CDC42BPB: variants seen among roughly 807,000 people sequenced by gnomAD.
The protein encoded by CDC42BPB is CDC42 binding protein kinase beta.
Under a neutral mutation model 214.9 loss-of-function variants are expected in CDC42BPB, and 37 were observed. The observed-to-expected ratio is 0.17, with a 90% CI of 0.13 to 0.23. The LOEUF (loss-of-function observed/expected upper bound fraction) is 0.23. Among genes scored for constraint, CDC42BPB ranks in the 10% least tolerant of loss-of-function variants. CDC42BPB has a pLI of 1.00. For synonymous variants in CDC42BPB, 931 were observed against 884.0 expected, an observed-to-expected ratio of 1.05 and a Z score of -0.94; for missense variants, 1,694 against 2,227.0, an observed-to-expected ratio of 0.76 and a Z score of 4.82.
At chr14:102,951,562 G>A (rs1301405867) in intron 24 of CDC42BPB, among the ~76,000 whole-genome samples, 4 of 152,208 alleles carry the variant, frequency 2.6e-5, no homozygotes, top group Non-Finnish European at 4.4e-5. Context: ...GCCGAGGCAG[G>A]TGGATCACTT....
intron 13 of CDC42BPB, among the ~76,000 whole-genome samples, chr14:102,971,580 C>T (rs1048500494): frequency 3.3e-5 from 5 of 152,246 alleles, no homozygotes; most frequent in African/African-American, 4.8e-5. Context: ...GCGTGAGCCC[C>T]GTGCCCGGCC....
Position 102,938,103 on chromosome 14 carries a change from CCT to C in CDC42BPB, c.5003_5004del (p.Glu1668AlafsTer2). The C allele has an allele frequency of 6.2e-7, 1 of 1,613,968 alleles. No homozygotes were observed. Among genetic ancestry groups the C allele is most frequent in the Non-Finnish European group, 8.5e-7 (1 of 1,180,004 alleles). The stretch of plus-strand genomic sequence containing the variant: ...CAGCACTGGACCTGGGCAAGTCTCA[CCT>C]CTTTGTCAAAGTCCTGGTCTGGATC... ...MSDPDQDFDK[E>X]PDSDSTKHST... On this transcript the variant is annotated frameshift_variant and splice_region_variant, in exon 36 of 37. Coordinates refer to ENST00000361246, the MANE Select transcript of CDC42BPB (RefSeq NM_006035.4). LOFTEE classifies it high-confidence loss of function.
At chr14:103,052,953 C>G (rs1888691881) in intron 1 of CDC42BPB, among the ~76,000 whole-genome samples, 1 of 152,252 alleles carries the variant, frequency 6.6e-6, no homozygotes, top group Admixed American at 6.5e-5. Flanking sequence ...ATTCATCTCA[C>G]TGGGTTGTCC....
intron 11 of CDC42BPB, 134 bp from the exon 12 acceptor site, chr14:102,974,283 C>CACAT (rs754504473): frequency 3.0e-6 from 1 of 338,584 alleles, no homozygotes; most frequent in African/African-American, 2.1e-5. Context: ...TTTTTACTTA[C>CACAT]ACACACACAC....
At chr14:103,053,375 T>A (rs570662400) in intron 1 of CDC42BPB, among the ~76,000 whole-genome samples, 25 of 149,664 alleles carry the variant, frequency 1.7e-4, no homozygotes, top group South Asian at 4.2e-4. Context: ...AAGAAAAGAA[T>A]ACACACGCAA....
intron 3 of CDC42BPB, among the ~76,000 whole-genome samples, chr14:103,005,212 T>C (rs1392935769): frequency 2.0e-5 from 3 of 150,182 alleles, no homozygotes; most frequent in Non-Finnish European, 4.4e-5. Context: ...AATTTTAACA[T>C]GATTTCCTCT....
chr14:102,990,469 TCA>T (rs1440363302), intron 5 of CDC42BPB, among the ~76,000 whole-genome samples: 1 of 151,844 alleles, frequency 6.6e-6, no homozygotes, highest in Non-Finnish European at 1.5e-5. Flanking sequence ...GTGCTGGGAG[TCA>T]CAGTTTCAGT....
intron 1 of CDC42BPB, among the ~76,000 whole-genome samples, chr14:103,027,300 G>A (rs957731622): frequency 7.2e-5 from 11 of 152,120 alleles, no homozygotes; most frequent in African/African-American, 1.7e-4. Context: ...TACATGACCC[G>A]TCATTCCACC....
rs773947478 is a variant in CDC42BPB at position 102,946,554 on chromosome 14, A to C, written c.3662T>G (p.Leu1221Arg). The C allele has an allele frequency of 6.2e-7, 1 of 1,612,814 alleles. No individual in the cohort carries two copies. ...GGGAACATGCACGACCTGATTCCTC[A>C]GCCGGTTTTTATGAAGGATGGACTG... ...GLQSILHKNR[L>R]RNQVVHVPLE... is the part of the protein sequence containing the mutation. The change falls in exon 28 of 37, where the codon CTG becomes CGG. Residue 1221 changes from leucine (L) to arginine (R), a missense_variant. By Grantham distance (102) the Leu-to-Arg change is moderately radical (BLOSUM62 -2). Transcript: ENST00000361246.
At chr14:102,974,967 A>C (rs1032649714) in intron 11 of CDC42BPB, among the ~76,000 whole-genome samples, 1 of 152,254 alleles carries the variant, frequency 6.6e-6, no homozygotes, top group African/African-American at 2.4e-5. Context: ...AAACAAAAAA[A>C]CAAAAACTGA....
At chr14:103,014,435 C>T (rs1477684255) in intron 1 of CDC42BPB, among the ~76,000 whole-genome samples, 1 of 152,144 alleles carries the variant, frequency 6.6e-6, no homozygotes, top group Non-Finnish European at 1.5e-5. Flanking sequence ...TCTATCACTA[C>T]AGTTTTATGA....
At chr14:102,984,777 G>A (rs561808491) in intron 6 of CDC42BPB, among the ~76,000 whole-genome samples, 1 of 152,216 alleles carries the variant, frequency 6.6e-6, no homozygotes, top group East Asian at 1.9e-4. Flanking sequence ...CTCTCCCGAG[G>A]GTCCCCTCTG....
chr14:102,974,367 T>G (rs1893640034), intron 11 of CDC42BPB: 2 of 984,712 alleles, frequency 2.0e-6, no homozygotes, highest in South Asian at 9.4e-5. Context: ...ACAGGCTCCC[T>G]AGACTTTACT....
intron 1 of CDC42BPB, among the ~76,000 whole-genome samples, chr14:103,038,575 G>A (rs764346552): frequency 6.6e-6 from 1 of 152,046 alleles, no homozygotes; most frequent in Non-Finnish European, 1.5e-5. Context: ...TTCCCAGGCT[G>A]GAGTGCAGCA....
intron 25 of CDC42BPB, chr14:102,950,179 G>A: frequency 1.2e-6 from 1 of 855,922 alleles, no homozygotes; most frequent in Non-Finnish European, 1.4e-6. Flanking sequence ...GTAGAGGTGG[G>A]CCTGGCACAG....
At chr14:103,043,516 G>T (rs530689910) in intron 1 of CDC42BPB, among the ~76,000 whole-genome samples, 1 of 152,106 alleles carries the variant, frequency 6.6e-6, no homozygotes, top group African/African-American at 2.4e-5. Context: ...GGGCTGGGGT[G>T]GGGGTAGAGT....
At chr14:102,941,680 A>G (rs1891897464) in intron 30 of CDC42BPB, 2 of 386,516 alleles carry the variant, frequency 5.2e-6, no homozygotes, top group Non-Finnish European at 7.1e-6. Context: ...AAAAGATTCT[A>G]GTGAAACAGA....
chr14:103,009,986 G>GA (rs1886056680), intron 2 of CDC42BPB, among the ~76,000 whole-genome samples: 1 of 152,144 alleles, frequency 6.6e-6, no homozygotes, highest in East Asian at 1.9e-4. Flanking sequence ...CTACTAAAAA[G>GA]AAAAAAAGAA....
chr14:103,036,277 C>G (rs922607627), intron 1 of CDC42BPB, among the ~76,000 whole-genome samples: 11 of 151,530 alleles, frequency 7.3e-5, no homozygotes, highest in Non-Finnish European at 1.5e-4. Context: ...CTCAGCCTCC[C>G]GAGTAGCTGG....
Sources: gnomAD v4.1 joint callset for allele counts (sites outside exome capture counted in the v4.1 genomes callset) on GRCh38, gnomAD v4.1.1 for gene constraint, MANE v1.5 for transcripts, NCBI Gene and HGNC (gene_info 2026-07-23, HGNC 2026-07-21) for gene names.